The following LINGO2 variants were observed in gnomAD, a reference collection of about 807,000 sequenced individuals.
LINGO2 encodes leucine rich repeat and Ig domain containing 2.
Under a neutral mutation model 30.6 loss-of-function variants are expected in LINGO2, and 14 were observed. The ratio of observed to expected loss-of-function variants is 0.46; its 90% CI spans 0.30 to 0.72. LINGO2 has a LOEUF of 0.72. LINGO2 is among the 30% of genes least tolerant of loss of function. The pLI, the probability that LINGO2 is intolerant of heterozygous loss-of-function variation, is 0.07. For synonymous variants in LINGO2, 317 were observed against 288.5 expected (o/e 1.10, Z -1.00); for missense variants, 729 against 751.7 (o/e 0.97, Z 0.35).
the LINGO2 span, among the ~76,000 whole-genome samples, chr9:29,111,744 G>A: frequency 5.5e-4 from 84 of 151,390 alleles, no homozygotes; most frequent in Non-Finnish European, 1.1e-3. Context: ...GTGAAGAAGA[G>A]AAATTTTGGG....
At chr9:28,103,963 C>T (rs978176521) in intron 4 of LINGO2, among the ~76,000 whole-genome samples, 2 of 152,016 alleles carry the variant, frequency 1.3e-5, no homozygotes, top group African/African-American at 4.8e-5. Context: ...AATTACTTTT[C>T]CTTTGATTGC....
the LINGO2 span, among the ~76,000 whole-genome samples, chr9:28,998,307 T>A: frequency 1.3e-5 from 2 of 152,162 alleles, no homozygotes; most frequent in Non-Finnish European, 2.9e-5. Context: ...AATGTGGGGA[T>A]AAGACGGGCA....
At chr9:28,046,690 C>T (rs1487664612) in intron 4 of LINGO2, among the ~76,000 whole-genome samples, 6 of 152,040 alleles carry the variant, frequency 3.9e-5, no homozygotes, top group Non-Finnish European at 7.4e-5. Context: ...CTTATTTTAA[C>T]CACACCTAAA....
the LINGO2 span, among the ~76,000 whole-genome samples, chr9:28,750,214 CAA>C: frequency 6.6e-6 from 1 of 152,132 alleles, no homozygotes; most frequent in East Asian, 1.9e-4. Context: ...CCTGTCTTAT[CAA>C]GAGAGGAAAT....
the LINGO2 span, among the ~76,000 whole-genome samples, chr9:28,840,003 T>G: frequency 6.6e-6 from 1 of 151,978 alleles, no homozygotes; most frequent in Non-Finnish European, 1.5e-5. Context: ...TCACCCCAAG[T>G]GCAGGCACAC....
chr9:29,186,828 T>C, the LINGO2 span, among the ~76,000 whole-genome samples: 1 of 152,058 alleles, frequency 6.6e-6, no homozygotes, highest in Non-Finnish European at 1.5e-5. Flanking sequence ...CTACCGAATA[T>C]AGCTGTTTTG....
chr9:28,742,395 G>A, the LINGO2 span, among the ~76,000 whole-genome samples: 1 of 151,332 alleles, frequency 6.6e-6, no homozygotes, highest in African/African-American at 2.4e-5. Flanking sequence ...GGAGGAATGA[G>A]TTGTGCAAAG....
At chr9:28,902,283 A>G in the LINGO2 span, among the ~76,000 whole-genome samples, 1 of 152,190 alleles carries the variant, frequency 6.6e-6, no homozygotes, top group Non-Finnish European at 1.5e-5. Flanking sequence ...TCAGTCAAAA[A>G]CTGTAACATG....
chr9:29,156,002 T>G, the LINGO2 span, among the ~76,000 whole-genome samples: 1 of 152,068 alleles, frequency 6.6e-6, no homozygotes, highest in African/African-American at 2.4e-5. Context: ...TTTCTTACCA[T>G]AACATTCCAG....
intron 4 of LINGO2, among the ~76,000 whole-genome samples, chr9:28,192,440 G>A (rs896123109): frequency 4.6e-5 from 7 of 151,914 alleles, no homozygotes; most frequent in African/African-American, 9.6e-5. Context: ...CACTGATGCC[G>A]TGCCTACCTA....
chr9:28,076,980 T>G (rs985308550), intron 4 of LINGO2, among the ~76,000 whole-genome samples: 1 of 152,172 alleles, frequency 6.6e-6, no homozygotes, highest in Admixed American at 6.6e-5. Flanking sequence ...GCAGTAAGGT[T>G]GAAAATGGGA....
At chr9:28,457,615 A>G (rs1824902527) in intron 2 of LINGO2, among the ~76,000 whole-genome samples, 1 of 151,968 alleles carries the variant, frequency 6.6e-6, no homozygotes, top group African/African-American at 2.4e-5. Flanking sequence ...AAAAACCCTA[A>G]GAGATGGGGT....
chr9:29,050,460 A>G, the LINGO2 span, among the ~76,000 whole-genome samples: 41 of 152,374 alleles, frequency 2.7e-4, no homozygotes, highest in South Asian at 8.5e-3. Flanking sequence ...ACAAATATGT[A>G]TCTGTTGATT....
chr9:28,314,995 G>A (rs1824785316), intron 3 of LINGO2, among the ~76,000 whole-genome samples: 1 of 130,698 alleles, frequency 7.7e-6, no homozygotes, highest in East Asian at 2.3e-4. Flanking sequence ...GGGTGACAGA[G>A]CAAGACTACG....
the LINGO2 span, among the ~76,000 whole-genome samples, chr9:29,200,632 T>C: frequency 6.6e-6 from 1 of 152,134 alleles, no homozygotes; most frequent in Non-Finnish European, 1.5e-5. Context: ...ACTATAAACA[T>C]CTTACATAAG....
At chr9:28,187,791 T>C (rs1171006280) in intron 4 of LINGO2, among the ~76,000 whole-genome samples, 3 of 152,214 alleles carry the variant, frequency 2.0e-5, no homozygotes, top group Non-Finnish European at 4.4e-5. Context: ...AATTGTTACT[T>C]CTTAACATAC....
At chr9:28,772,325 T>C in the LINGO2 span, among the ~76,000 whole-genome samples, 2 of 152,210 alleles carry the variant, frequency 1.3e-5, no homozygotes, top group African/African-American at 2.4e-5. Context: ...CTGGAGGCAC[T>C]GTGCAGTTCT....
the LINGO2 span, among the ~76,000 whole-genome samples, chr9:29,013,476 T>C: frequency 6.6e-6 from 1 of 151,942 alleles, no homozygotes; most frequent in South Asian, 2.1e-4. Context: ...CCCAAGACAA[T>C]AATGTAAAGA....
the LINGO2 span, among the ~76,000 whole-genome samples, chr9:28,851,273 T>G: frequency 6.6e-6 from 1 of 152,180 alleles, no homozygotes; most frequent in African/African-American, 2.4e-5. Context: ...CCCATTTGCT[T>G]GCTTCCATTC....
Sources: gnomAD v4.1 joint callset for allele counts (sites outside exome capture counted in the v4.1 genomes callset) on GRCh38, gnomAD v4.1.1 for gene constraint, MANE v1.5 for transcripts, NCBI Gene and HGNC (gene_info 2026-07-23, HGNC 2026-07-21) for gene names.